Variants in STAG1 observed in about 807,000 individuals in gnomAD.
STAG1 encodes cohesin subunit SA-1.
Under a neutral mutation model 170.9 loss-of-function variants are expected in STAG1, and 26 were observed. That is an observed-to-expected ratio of 0.15 (90% CI 0.11 to 0.21). The LOEUF (loss-of-function observed/expected upper bound fraction) is 0.21, where lower values mean the gene tolerates loss of function less well. STAG1 is among the 10% of genes least tolerant of loss of function. STAG1 has a pLI of 1.00. For missense variants in STAG1, 964 were observed against 1,509.5 expected (o/e 0.64, Z 5.99); for synonymous variants, 514 against 497.7 (o/e 1.03, Z -0.44).
intron 21 of STAG1, among the ~76,000 whole-genome samples, chr3:136,407,756 C>T (rs1314022415): frequency 6.6e-6 from 1 of 152,002 alleles, no homozygotes; most frequent in Non-Finnish European, 1.5e-5. Flanking sequence ...GTCACTGTGA[C>T]TGGACTGTAT....
At chr3:136,615,853 A>C (rs1165496461) in intron 3 of STAG1, among the ~76,000 whole-genome samples, 1 of 152,204 alleles carries the variant, frequency 6.6e-6, no homozygotes, top group Non-Finnish European at 1.5e-5. Context: ...AAATAGAAAA[A>C]GACAAAGACC....
At chr3:136,642,486 G>A (rs1940841669) in intron 1 of STAG1, among the ~76,000 whole-genome samples, 1 of 151,666 alleles carries the variant, frequency 6.6e-6, no homozygotes, top group African/African-American at 2.4e-5. Context: ...TGGTCAGGCT[G>A]GTCTCAAACT....
chr3:136,484,343 G>C lies in STAG1; in HGVS notation c.903-6931C>G, dbSNP rs148296018. On this transcript the variant is annotated intron_variant, in intron 9 of 33. Coordinates refer to ENST00000383202, the MANE Select transcript of STAG1 (RefSeq NM_005862.3). ...TCTGTTGGAATACCCTGCCGTGTGA[G>C]GTGTCAGTGTGCCCCTGCTGTGGGG... Among the ~76,000 whole-genome samples, 403 of 148,512 alleles carry C rather than the reference G, an allele frequency of 2.7e-3. 2 individuals are homozygous for C. Among genetic ancestry groups the C allele is most frequent in the African/African-American group, 9.6e-3 (390 of 40,618 alleles).
At chr3:136,403,249 A>AAAAAAAAAAAG (rs2087386941) in intron 21 of STAG1, among the ~76,000 whole-genome samples, 1 of 144,162 alleles carries the variant, frequency 6.9e-6, no homozygotes, top group African/African-American at 2.6e-5. Flanking sequence ...AAAAAAAAAA[A>AAAAAAAAAAAG]AAAAGAAAAG....
intron 25 of STAG1, among the ~76,000 whole-genome samples, chr3:136,365,538 A>G (rs1937042379): frequency 6.6e-6 from 1 of 152,162 alleles, no homozygotes; most frequent in Admixed American, 6.5e-5. Flanking sequence ...GATCCACCCT[A>G]AATATTTTTC....
chr3:136,469,830 A>G (rs1210044670), intron 12 of STAG1, among the ~76,000 whole-genome samples: 21 of 152,236 alleles, frequency 1.4e-4, no homozygotes, highest in African/African-American at 4.8e-4. Context: ...AAATAATATC[A>G]CACATCTACA....
chr3:136,657,253 G>A (rs1470364595), intron 1 of STAG1, among the ~76,000 whole-genome samples: 11 of 133,170 alleles, frequency 8.3e-5, no homozygotes, highest in Non-Finnish European at 1.7e-4. Context: ...AGGCTGGAGT[G>A]CAATGGCACG....
chr3:136,578,958 T>C (rs1937536587), intron 4 of STAG1, among the ~76,000 whole-genome samples: 3 of 152,214 alleles, frequency 2.0e-5, no homozygotes. Flanking sequence ...TTCCTCTCCC[T>C]ACCAAGATAA....
chr3:136,414,612 G>T (rs1333443890), intron 21 of STAG1, among the ~76,000 whole-genome samples: 1 of 151,948 alleles, frequency 6.6e-6, no homozygotes, highest in Non-Finnish European at 1.5e-5. Flanking sequence ...TTGATAGTTG[G>T]ACCTCCTCCC....
At chr3:136,543,354 T>C (rs971327306) in intron 5 of STAG1, among the ~76,000 whole-genome samples, 3 of 152,190 alleles carry the variant, frequency 2.0e-5, no homozygotes, top group Non-Finnish European at 4.4e-5. Context: ...CTTATCAATA[T>C]GCACTCAGTA....
At chr3:136,451,949 T>C (rs1008220258) in intron 14 of STAG1, 84 bp downstream of exon 14, 3 of 884,650 alleles carry the variant, frequency 3.4e-6, no homozygotes, top group African/African-American at 3.4e-5. Context: ...TTGTTTTTAT[T>C]TGATTGAAAA....
intron 23 of STAG1, among the ~76,000 whole-genome samples, chr3:136,376,009 TAATTAACAAAATA>T (rs1397604740): frequency 6.2e-5 from 2 of 32,296 alleles, no homozygotes; most frequent in African/African-American, 1.5e-4. Flanking sequence ...AATAAATAAA[TAATTAACAAAATA>T]AAATAAAATA....
intron 16 of STAG1, among the ~76,000 whole-genome samples, chr3:136,428,671 A>C (rs977640566): frequency 6.6e-6 from 1 of 152,218 alleles, no homozygotes; most frequent in South Asian, 2.1e-4. Flanking sequence ...AAAGCCATCA[A>C]GCCCCCCAAA....
intron 5 of STAG1, among the ~76,000 whole-genome samples, chr3:136,548,119 GT>G (rs112244750): frequency 2.0e-3 from 282 of 142,280 alleles, no homozygotes; most frequent in African/African-American, 3.7e-3. Context: ...GTTTTGTTTT[GT>G]TTTTTTTTTT....
At chr3:136,497,301 T>C (rs1205683964) in intron 9 of STAG1, among the ~76,000 whole-genome samples, 1 of 152,090 alleles carries the variant, frequency 6.6e-6, no homozygotes, top group Non-Finnish European at 1.5e-5. Flanking sequence ...TTAGAGCTAT[T>C]TATCCCTCTT....
intron 4 of STAG1, among the ~76,000 whole-genome samples, chr3:136,570,387 T>C (rs1461414927): frequency 6.6e-6 from 1 of 152,244 alleles, no homozygotes; most frequent in Non-Finnish European, 1.5e-5. Context: ...CTTTTTTACA[T>C]TGCTGAATAT....
At chr3:136,384,770 G>GAA (rs112181904) in intron 22 of STAG1, among the ~76,000 whole-genome samples, 1 of 99,406 alleles carries the variant, frequency 1.0e-5, no homozygotes, top group Non-Finnish European at 2.2e-5. Flanking sequence ...TCCATTTCAA[G>GAA]AAAAAAAAAA....
rs1437311404 is a variant in STAG1 at position 136,399,427 on chromosome 3, A to C, written c.2197-598T>G. Among the ~76,000 whole-genome samples the C allele has an allele frequency of 2.0e-5, 3 of 152,174 alleles. No homozygotes were observed. In the East Asian group the frequency reaches 5.8e-4, roughly 29 times the overall value. ...GGGAATTGGTATATTTTAATTACCT[A>C]AGTCTGCATTCCTAGTTTTTTACGC... On this transcript the variant is annotated intron_variant, in intron 21 of 33. Coordinates refer to ENST00000383202, the MANE Select transcript of STAG1 (RefSeq NM_005862.3).
intron 15 of STAG1, among the ~76,000 whole-genome samples, chr3:136,441,219 G>A (rs995358632): frequency 6.6e-6 from 1 of 152,018 alleles, no homozygotes; most frequent in African/African-American, 2.4e-5. Context: ...TTTTAGTAGA[G>A]ACGGGGTTTT....
Sources: gnomAD v4.1 joint callset for allele counts (sites outside exome capture counted in the v4.1 genomes callset) on GRCh38, gnomAD v4.1.1 for gene constraint, MANE v1.5 for transcripts, NCBI Gene and HGNC (gene_info 2026-07-23, HGNC 2026-07-21) for gene names.